The following ANKRD24 variants were observed in gnomAD, a reference collection of about 807,000 sequenced individuals.
The protein encoded by ANKRD24 is ankyrin repeat domain 24, also known as ankyrin repeat domain-containing protein 24.
In ANKRD24, 109 loss-of-function variants were observed where a neutral mutation model predicts 127.8. The observed-to-expected ratio is 0.85, with a 90% CI of 0.73 to 1.00. ANKRD24 has a LOEUF of 1.00. Among genes scored for constraint, ANKRD24 ranks in the 50% least tolerant of loss-of-function variants. ANKRD24 has a pLI of 0.00. For missense variants in ANKRD24, 1,648 were observed against 1,570.2 expected (o/e 1.05, Z -0.84); for synonymous variants, 743 against 671.1 (o/e 1.11, Z -1.66).
intron 1 of ANKRD24, among the ~76,000 whole-genome samples, chr19:4,184,824 A>G (rs1967963257): frequency 6.8e-6 from 1 of 146,802 alleles, no homozygotes; most frequent in Non-Finnish European, 1.5e-5. Context: ...GGTTTGGTAG[A>G]TGGGTGAATG....
rs1286153253 is a variant in ANKRD24 at position 4,217,688 on chromosome 19, G to C, written c.2528G>C (p.Arg843Pro). The C allele has an allele frequency of 7.8e-7, 1 of 1,287,560 alleles. No homozygotes were observed. Among genetic ancestry groups the C allele is most frequent in the Admixed American group, 4.3e-5 (1 of 23,150 alleles). The allele number at this position is 1,287,560 out of a possible 1,614,324, so 79.8% of individuals were successfully genotyped here. A position where few individuals can be genotyped will look rare whatever the true frequency, so the allele number is the denominator to read the frequency against. ...RAELAQREEA[R>P]LEQSRELEVL... ...GAGCTGGCCCAGCGGGAGGAGGCGC[G>C]GCTGGAGCAGAGCCGGGAGCTGGAG... The change falls in exon 18 of 22, where the codon CGG (arginine) becomes CCG (proline). Residue 843 changes from arginine to proline, a missense_variant. By Grantham distance (103) the Arg-to-Pro change is moderately radical. Transcript: ENST00000318934.
At position 4,216,549 on chromosome 19, in the gene ANKRD24, G is replaced by C. The variant is rs1170519727; in HGVS notation, c.1390-1G>C. The C allele has an allele frequency of 1.2e-6, 2 of 1,604,640 alleles. No homozygotes were observed. Among genetic ancestry groups the C allele is most frequent in the Non-Finnish European group, 1.7e-6 (2 of 1,175,010 alleles). ...CTCCTGCCCCCCACTCCACTCCCCA[G>C]ATCCTGGAGAACTTTGAGAAGGACG... On this transcript the variant is annotated splice_acceptor_variant, in intron 17 of 21. Coordinates refer to ENST00000318934, the MANE Select transcript of ANKRD24 (RefSeq NM_001393985.1). LOFTEE classifies it high-confidence loss of function.
At chr19:4,223,401 A>ATATTTTTT (rs1192232980) in intron 20 of ANKRD24, among the ~76,000 whole-genome samples, 2 of 53,344 alleles carry the variant, frequency 3.7e-5, no homozygotes, top group South Asian at 6.7e-4. Context: ...ATATATATAT[A>ATATTTTTT]TTTTTTTTTT....
rs769018465 is a variant in ANKRD24 at position 4,198,520 on chromosome 19, C to A, written c.37-1163C>A. On this transcript the variant is annotated intron_variant, in intron 2 of 21. Coordinates refer to ENST00000318934, the MANE Select transcript of ANKRD24 (RefSeq NM_001393985.1). This position sits in a 1 kb window ranked among gnomAD's most constrained non-coding sequence, Gnocchi z 6.1. ...TGAAGCAGCTGTGTCTGTGCGCAGC[C>A]GCCTCCTTCGCGGTAGGGCCCGGGG... 8.2e-6 allele frequency: 5 copies of A among 607,484 alleles called. No individual in the cohort carries two copies. The South Asian group carries it at 8.8e-5, about 11-fold the overall frequency. The allele number at this position is 607,484 out of a possible 1,614,324, so 37.6% of individuals were successfully genotyped here.
At chr19:4,183,095 C>T (rs1345031984) in intron 1 of ANKRD24, among the ~76,000 whole-genome samples, 3 of 152,002 alleles carry the variant, frequency 2.0e-5, no homozygotes, top group Non-Finnish European at 4.4e-5. Flanking sequence ...TCTCCTGCCT[C>T]AGCCTCCCTA....
At chr19:4,216,258 G>A in intron 16 of ANKRD24, 26 bp from the exon 17 acceptor site, 1 of 1,549,476 alleles carries the variant, frequency 6.5e-7, no homozygotes, top group Non-Finnish European at 8.7e-7. Context: ...CAGGTCCCCA[G>A]GGCCTGACTC....
rs143785811 is a variant in ANKRD24 at position 4,203,554 on chromosome 19, G to T, written c.466+628G>T. Among the ~76,000 whole-genome samples the T allele has an allele frequency of 3.1e-3, 469 of 152,022 alleles. 1 individual carries two copies. The highest frequency in any genetic ancestry group is 0.011 in the African/African-American group (454 of 41,486). On this transcript the variant is annotated intron_variant, in intron 7 of 21. Transcript: ENST00000318934. ...TGTAGATACAGGATCTTGCTATGTT[G>T]CCCAGGCTGATCTCAAACTCCTGGG...
rs894096604 is a variant in ANKRD24, at chr19:4,198,218, A to G, written c.37-1465A>G. 7 of 541,882 alleles carry G rather than the reference A, an allele frequency of 1.3e-5. No homozygotes were observed. Among genetic ancestry groups the G allele is most frequent in the African/African-American group, 8.0e-5 (4 of 49,986 alleles). The allele number at this position is 541,882 out of a possible 1,614,324, so 33.6% of individuals were successfully genotyped here. On this transcript the variant is annotated intron_variant, in intron 2 of 21. Transcript: ENST00000318934. The surrounding 1 kb of genome is among the most constrained non-coding windows in gnomAD (Gnocchi z 6.1). ...TCCTCATCCTCCAGGCGACAAGGTC[A>G]GGAGGGGCCGGGGCGGCGCCCCTTC...
intron 15 of ANKRD24, among the ~76,000 whole-genome samples, chr19:4,213,749 C>T (rs1568336236): frequency 1.3e-5 from 2 of 152,056 alleles, no homozygotes; most frequent in Non-Finnish European, 2.9e-5. Context: ...TCCTGCCTAC[C>T]GCAGCCTCCC....
At chr19:4,185,370 A>C (rs1392822365) in intron 1 of ANKRD24, among the ~76,000 whole-genome samples, 2 of 152,078 alleles carry the variant, frequency 1.3e-5, no homozygotes, top group Non-Finnish European at 2.9e-5. Context: ...AGGTGAGTGC[A>C]TAGGTGGTAA....
At chr19:4,219,431 C>T (rs1157114113) in intron 18 of ANKRD24, among the ~76,000 whole-genome samples, 160 bp from the exon 19 acceptor site, 1 of 152,076 alleles carries the variant, frequency 6.6e-6, no homozygotes, top group Non-Finnish European at 1.5e-5. Flanking sequence ...CGCACCACCG[C>T]ACTCCAGCCA....
intron 18 of ANKRD24, among the ~76,000 whole-genome samples, chr19:4,218,863 G>A (rs923034346): frequency 5.4e-5 from 8 of 149,528 alleles, no homozygotes; most frequent in African/African-American, 2.0e-4. Flanking sequence ...CACCTCCTGG[G>A]CTCAAGTAAT....
At chr19:4,188,146 C>A (rs75624033) in intron 2 of ANKRD24, among the ~76,000 whole-genome samples, 17,762 of 151,974 alleles carry the variant, frequency 0.12, 1,483 homozygotes, top group East Asian at 0.35. Context: ...GGCTTGATCT[C>A]GGCTCACTGC....
rs866437534 is a variant in ANKRD24, at chr19:4,218,062, G to A, written c.2902G>A (p.Glu968Lys). 6 of 1,558,938 alleles carry A rather than the reference G, an allele frequency of 3.8e-6. No individual in the cohort carries two copies. The highest frequency in any genetic ancestry group is 2.5e-5 in the East Asian group (1 of 40,512). The change falls in exon 18 of 22, where the codon GAA becomes AAA. Residue 968 changes from glutamate (E) to lysine (K), a missense_variant. Transcript: ENST00000318934. ...GTGCAGCGTGGCGCTCTCGGAGCACGAACGCATCGTGGGCACCCTGCAGGC... is the reference window on the plus strand; with the variant it reads ...GTGCAGCGTGGCGCTCTCGGAGCACAAACGCATCGTGGGCACCCTGCAGGC... ...RVCSVALSEH[E>K]RIVGTLQANV... is the part of the protein sequence containing the mutation.
intron 1 of ANKRD24, among the ~76,000 whole-genome samples, chr19:4,184,338 G>A (rs1967928290): frequency 2.0e-5 from 3 of 152,202 alleles, no homozygotes; most frequent in Admixed American, 2.0e-4. Flanking sequence ...GAGAGGCCCA[G>A]GACGGAGGAT....
intron 2 of ANKRD24, among the ~76,000 whole-genome samples, chr19:4,189,633 G>T (rs375278722): frequency 2.0e-5 from 3 of 151,730 alleles, no homozygotes; most frequent in Admixed American, 6.6e-5. Context: ...AGATCCTCCC[G>T]CTTCAGCCAA....
At chr19:4,203,449 C>T (rs569259084) in intron 7 of ANKRD24, among the ~76,000 whole-genome samples, 4 of 152,074 alleles carry the variant, frequency 2.6e-5, no homozygotes, top group African/African-American at 9.7e-5. Context: ...CGGGTTCAAA[C>T]GATCCTCCTG....
At chr19:4,223,414 T>G (rs1166566688) in intron 20 of ANKRD24, among the ~76,000 whole-genome samples, 1 of 136,342 alleles carries the variant, frequency 7.3e-6, no homozygotes, top group Non-Finnish European at 1.6e-5. Context: ...TTTTTTTTTT[T>G]TTTTTTGAGC....
chr19:4,199,615 G>A lies in ANKRD24; in HGVS notation c.37-68G>A. 1 of 1,470,324 alleles carries A rather than the reference G, an allele frequency of 6.8e-7. No individual in the cohort carries two copies. Among genetic ancestry groups the A allele is most frequent in the Non-Finnish European group, 9.0e-7 (1 of 1,116,402 alleles). The allele number at this position is 1,470,324 out of a possible 1,614,324, so 91.1% of individuals were successfully genotyped here. A position where few individuals can be genotyped will look rare whatever the true frequency, so the allele number is the denominator to read the frequency against. ...TGGGGTGATGGGCCTGGGGGCAGAT[G>A]CTGGGGGTCGCAGGCTTGGGGGACA... On this transcript the variant is annotated intron_variant, in intron 2 of 21. Coordinates refer to ENST00000318934, the MANE Select transcript of ANKRD24 (RefSeq NM_001393985.1). This position sits in a 1 kb window ranked among gnomAD's most constrained non-coding sequence, Gnocchi z 5.2.
Sources: allele counts gnomAD v4.1 joint callset (sites outside exome capture counted in the v4.1 genomes callset), GRCh38; gene constraint gnomAD v4.1.1; non-coding constraint Gnocchi (gnomAD v3.1); transcripts MANE v1.5; gene names NCBI Gene and HGNC (gene_info 2026-07-23, HGNC 2026-07-21).